The following DOCK3 variants were observed in gnomAD, a reference collection of about 807,000 sequenced individuals.
DOCK3 encodes dedicator of cytokinesis 3.
Under a neutral mutation model 265.6 loss-of-function variants are expected in DOCK3, and 60 were observed. That is an observed-to-expected ratio of 0.23 (90% CI 0.18 to 0.28). The LOEUF (loss-of-function observed/expected upper bound fraction) is 0.28, where lower values mean the gene tolerates loss of function less well. Among genes scored for constraint, DOCK3 ranks in the 10% least tolerant of loss-of-function variants. The pLI is 1.00. For synonymous variants in DOCK3, 881 were observed against 938.0 expected (o/e 0.94, Z 1.11); for missense variants, 1,981 against 2,594.3 (o/e 0.76, Z 5.14).
chr3:50,720,288 C>T (rs1348235092), intron 1 of DOCK3, among the ~76,000 whole-genome samples: 2 of 152,120 alleles, frequency 1.3e-5, no homozygotes, highest in African/African-American at 4.8e-5. Flanking sequence ...CACCCTCCTC[C>T]CACCACCCAC....
intron 5 of DOCK3, among the ~76,000 whole-genome samples, chr3:50,986,375 C>G (rs1457627709): frequency 6.6e-6 from 1 of 152,224 alleles, no homozygotes; most frequent in Non-Finnish European, 1.5e-5. Flanking sequence ...TGACATACTT[C>G]TCCAAGAATG....
intron 4 of DOCK3, among the ~76,000 whole-genome samples, chr3:50,893,695 AGG>A (rs1219483310): frequency 6.6e-6 from 1 of 151,996 alleles, no homozygotes; most frequent in Non-Finnish European, 1.5e-5. Context: ...AGGGAGAGCA[AGG>A]AAAAGAAAGG....
chr3:51,280,695 C>T (rs1230775166), intron 27 of DOCK3, among the ~76,000 whole-genome samples: 2 of 152,046 alleles, frequency 1.3e-5, no homozygotes, highest in Non-Finnish European at 2.9e-5. Context: ...CACTGAGGGT[C>T]TTATTTTTAT....
At chr3:51,219,391 A>G (rs1431168716) in intron 14 of DOCK3, among the ~76,000 whole-genome samples, 2 of 152,178 alleles carry the variant, frequency 1.3e-5, no homozygotes, top group Non-Finnish European at 2.9e-5. Context: ...GGTATCATGT[A>G]CATATTAATA....
At chr3:51,197,470 G>A (rs1454701608) in intron 12 of DOCK3, among the ~76,000 whole-genome samples, 1 of 152,126 alleles carries the variant, frequency 6.6e-6, no homozygotes, top group Non-Finnish European at 1.5e-5. Flanking sequence ...TGATGGGCTG[G>A]GTAGCCCAAT....
chr3:50,971,591 A>C (rs1239911885), intron 5 of DOCK3, among the ~76,000 whole-genome samples: 1 of 152,202 alleles, frequency 6.6e-6, no homozygotes, highest in Non-Finnish European at 1.5e-5. Flanking sequence ...TTGTGTCAGC[A>C]GATTTTATAT....
intron 4 of DOCK3, among the ~76,000 whole-genome samples, chr3:50,914,918 A>T (rs904608127): frequency 3.3e-5 from 5 of 151,998 alleles, no homozygotes; most frequent in Non-Finnish European, 7.4e-5. Flanking sequence ...GCTGGGTTCT[A>T]GGTGGATGTT....
At chr3:51,198,319 C>A (rs918646085) in intron 12 of DOCK3, among the ~76,000 whole-genome samples, 1 of 152,170 alleles carries the variant, frequency 6.6e-6, no homozygotes, top group Non-Finnish European at 1.5e-5. Context: ...TCTTTACCTC[C>A]TTGTTCTGGG....
intron 3 of DOCK3, among the ~76,000 whole-genome samples, chr3:50,857,025 C>A (rs868497307): frequency 6.6e-6 from 1 of 152,122 alleles, no homozygotes; most frequent in African/African-American, 2.4e-5. Flanking sequence ...GAATCAAACC[C>A]TTTTGATAGT....
intron 5 of DOCK3, among the ~76,000 whole-genome samples, chr3:50,981,688 T>C (rs55785224): frequency 0.095 from 14,469 of 152,234 alleles, 860 homozygotes; most frequent in Non-Finnish European, 0.12. Context: ...CCCTTTTCAT[T>C]GTGTAATGAC....
intron 1 of DOCK3, among the ~76,000 whole-genome samples, chr3:50,719,303 T>C (rs1318820443): frequency 3.3e-5 from 5 of 150,274 alleles, no homozygotes; most frequent in Non-Finnish European, 3.0e-5. Context: ...TTCATACTCA[T>C]AAACTTAACT....
At chr3:51,028,449 G>A (rs920314112) in intron 5 of DOCK3, among the ~76,000 whole-genome samples, 1 of 151,518 alleles carries the variant, frequency 6.6e-6, no homozygotes, top group Admixed American at 6.6e-5. Flanking sequence ...TTAATTTCTT[G>A]TAGCTGCATG....
intron 3 of DOCK3, among the ~76,000 whole-genome samples, chr3:50,857,142 G>C (rs1306382529): frequency 6.6e-6 from 1 of 152,018 alleles, no homozygotes; most frequent in Non-Finnish European, 1.5e-5. Flanking sequence ...TTCTATTTTT[G>C]TTGTGTCCTT....
At chr3:51,005,756 C>T (rs1216345446) in intron 5 of DOCK3, among the ~76,000 whole-genome samples, 2 of 152,124 alleles carry the variant, frequency 1.3e-5, no homozygotes, top group East Asian at 1.9e-4. Flanking sequence ...TATGTGATGG[C>T]TGCAGTAATC....
intron 9 of DOCK3, among the ~76,000 whole-genome samples, chr3:51,140,078 G>A (rs544189108): frequency 6.6e-6 from 1 of 152,142 alleles, no homozygotes; most frequent in Non-Finnish European, 1.5e-5. Context: ...TTTGTTGTTT[G>A]TTGGTTTTCT....
chr3:50,838,714 C>T (rs888010654), intron 2 of DOCK3, among the ~76,000 whole-genome samples: 3 of 152,138 alleles, frequency 2.0e-5, no homozygotes, highest in African/African-American at 7.2e-5. Flanking sequence ...TCATTAAAAG[C>T]ATATATTTCC....
intron 22 of DOCK3, among the ~76,000 whole-genome samples, chr3:51,250,911 G>T (rs976060266): frequency 9.2e-5 from 14 of 152,160 alleles, no homozygotes; most frequent in Non-Finnish European, 1.5e-4. Flanking sequence ...GGATACATGT[G>T]CACAACGTGC....
intron 2 of DOCK3, among the ~76,000 whole-genome samples, chr3:50,799,464 T>C (rs2042961090): frequency 6.6e-6 from 1 of 152,178 alleles, no homozygotes. Context: ...GTATTTTTTT[T>C]TGTAGCAATT....
In DOCK3 at chr3:51,228,766, C is replaced by G; in HGVS notation, c.1753C>G (p.Gln585Glu). ...TAATATTCCTTCTAGCCTCATCTTC[C>G]AGCGCAGCACCAAAGAGTCTTTCTT... ...CPNIPSSLIF[Q>E]RSTKESFFIS... The change falls in exon 18 of 53, where the codon CAG (glutamine) becomes GAG (glutamate). Residue 585 changes from glutamine to glutamate, a missense_variant. Coordinates refer to ENST00000266037, the MANE Select transcript of DOCK3 (RefSeq NM_004947.5). 6.2e-7 allele frequency: 1 copy of G among 1,613,990 alleles called. No individual in the cohort carries two copies. Among genetic ancestry groups the G allele is most frequent in the Non-Finnish European group, 8.5e-7 (1 of 1,179,884 alleles).
Sources: allele counts gnomAD v4.1 joint callset (sites outside exome capture counted in the v4.1 genomes callset), GRCh38; gene constraint gnomAD v4.1.1; transcripts MANE v1.5; gene names NCBI Gene and HGNC (gene_info 2026-07-23, HGNC 2026-07-21).